Variants in CTXND1 observed in about 807,000 individuals in gnomAD.
CTXND1 encodes the protein cortexin domain-containing 1 protein.
At chr15:80,247,048 C>A (rs963117673) in intron 1 of CTXND1, among the ~76,000 whole-genome samples, 2 of 152,158 alleles carry the variant, frequency 1.3e-5, no homozygotes, top group Admixed American at 1.3e-4. Flanking sequence ...TTCCATTTTA[C>A]CCATGAGAAA....
intron 1 of CTXND1, among the ~76,000 whole-genome samples, chr15:80,251,473 G>GA (rs912322800): frequency 2.6e-5 from 4 of 152,174 alleles, no homozygotes; most frequent in Non-Finnish European, 4.4e-5. Flanking sequence ...GTTACATTGA[G>GA]AAAAAATCTG....
At chr15:80,210,422 T>C (rs1025663133) in intron 1 of CTXND1, among the ~76,000 whole-genome samples, 12 of 152,236 alleles carry the variant, frequency 7.9e-5, no homozygotes, top group African/African-American at 2.9e-4. Flanking sequence ...CTCTCTTTTG[T>C]GGCTTTCTCT....
chr15:80,207,946 G>A (rs1365106144), intron 1 of CTXND1, among the ~76,000 whole-genome samples: 1 of 152,212 alleles, frequency 6.6e-6, no homozygotes, highest in African/African-American at 2.4e-5. Context: ...CTTCCTGGGG[G>A]AAATTATTCA....
intron 1 of CTXND1, among the ~76,000 whole-genome samples, chr15:80,222,526 T>C (rs1221550891): frequency 6.6e-6 from 1 of 152,228 alleles, no homozygotes; most frequent in Non-Finnish European, 1.5e-5. Flanking sequence ...TCCCCAATTA[T>C]CTCAAAATTG....
chr15:80,205,017 A>T (rs1039738699), intron 1 of CTXND1, among the ~76,000 whole-genome samples: 1 of 152,212 alleles, frequency 6.6e-6, no homozygotes, highest in South Asian at 2.1e-4. Flanking sequence ...TCAGGTCTTT[A>T]TACATCCTTC....
In CTXND1 at chr15:80,198,510, T is replaced by G. The variant is rs1204044500; in HGVS notation, c.*3260A>C. The stretch of plus-strand genomic sequence containing the variant: ...CTATCCACAACCCCAAAGTTCATCT[T>G]AGCTTGCCAGAAACGAGTTGAGACG... On this transcript the variant is annotated 3_prime_UTR_variant, in exon 3 of 3. Transcript: ENST00000560778. 6.6e-6 allele frequency: 1 copy of G among 152,252 alleles called. No individual in the cohort carries two copies. Among genetic ancestry groups the G allele is most frequent in the East Asian group, 1.9e-4 (1 of 5,204 alleles). 9.4% of individuals were successfully genotyped at this position (152,252 alleles called of 1,614,324 possible).
Position 80,198,828 on chromosome 15 carries a change from C to G in CTXND1, c.*2942G>C, listed in dbSNP as rs183164782. 1.1e-3 allele frequency: 165 copies of G among 152,218 alleles called. No individual in the cohort carries two copies. Among genetic ancestry groups the G allele is most frequent in the African/African-American group, 3.7e-3 (154 of 41,524 alleles). The allele number at this position is 152,218 out of a possible 1,614,324, so 9.4% of individuals were successfully genotyped here. ...AATCCAAATATTTAATAATAGGAGTCTACATAATTATATATGTGCACTAGA... is the reference window on the plus strand; with the variant it reads ...AATCCAAATATTTAATAATAGGAGTGTACATAATTATATATGTGCACTAGA... On this transcript the variant is annotated 3_prime_UTR_variant, in exon 3 of 3. Transcript: ENST00000560778.
intron 1 of CTXND1, among the ~76,000 whole-genome samples, chr15:80,222,953 T>C (rs776923764): frequency 3.2e-4 from 49 of 152,236 alleles, no homozygotes; most frequent in Non-Finnish European, 6.0e-4. Flanking sequence ...ACTATTCTGA[T>C]ATCACCACAG....
intron 1 of CTXND1, among the ~76,000 whole-genome samples, chr15:80,251,002 C>A (rs750299409): frequency 6.6e-6 from 1 of 152,128 alleles, no homozygotes; most frequent in Non-Finnish European, 1.5e-5. Context: ...CAGTGTTAAT[C>A]CAGAAACTCG....
At chr15:80,229,850 T>C (rs537329772) in intron 1 of CTXND1, among the ~76,000 whole-genome samples, 8 of 152,246 alleles carry the variant, frequency 5.3e-5, no homozygotes, top group African/African-American at 1.4e-4. Context: ...AAAAATCCCT[T>C]TTTATGTTGG....
At chr15:80,244,299 C>G (rs1032782689) in intron 1 of CTXND1, among the ~76,000 whole-genome samples, 7 of 152,198 alleles carry the variant, frequency 4.6e-5, no homozygotes, top group African/African-American at 1.7e-4. Flanking sequence ...AGCCCATGTT[C>G]AGGACAGTGA....
In CTXND1 at chr15:80,200,619, G is replaced by T; in HGVS notation, c.*1151C>A. On this transcript the variant is annotated 3_prime_UTR_variant, in exon 3 of 3. Transcript: ENST00000560778. The stretch of plus-strand genomic sequence containing the variant: ...CCCCTTTCTGTCCTTTCGTTCACAT[G>T]AGGTATATGCAAAAAATAAAATTTT... 6.6e-6 allele frequency: 1 copy of T among 152,270 alleles called. No individual in the cohort carries two copies. 9.4% of individuals were successfully genotyped at this position (152,270 alleles called of 1,614,324 possible).
chr15:80,210,108 T>C (rs1346196104), intron 1 of CTXND1, among the ~76,000 whole-genome samples: 2 of 152,226 alleles, frequency 1.3e-5, no homozygotes. Flanking sequence ...CCCCTGATCA[T>C]CTGGTAATAG....
chr15:80,250,295 T>C (rs949936191), intron 1 of CTXND1, among the ~76,000 whole-genome samples: 5 of 152,128 alleles, frequency 3.3e-5, no homozygotes, highest in African/African-American at 1.2e-4. Flanking sequence ...TAAATCACAA[T>C]TTATAAGCAA....
At chr15:80,247,094 G>A (rs190589667) in intron 1 of CTXND1, among the ~76,000 whole-genome samples, 3 of 152,308 alleles carry the variant, frequency 2.0e-5, no homozygotes, top group Admixed American at 2.0e-4. Flanking sequence ...TGTGTCTGTG[G>A]TCTCGCAGCT....
At position 80,228,636 on chromosome 15, in the gene CTXND1, C is replaced by CTTTTTTTTTT. The variant is rs58443773; in HGVS notation, c.-218+23361_-218+23370dup. Among the ~76,000 whole-genome samples, 409 of 139,890 alleles carry CTTTTTTTTTT rather than the reference C, an allele frequency of 2.9e-3. 1 individual carries two copies. The highest frequency in any genetic ancestry group is 9.8e-3 in the African/African-American group (361 of 36,866). The allele number at this position is 139,890 out of a possible 152,430, so 91.8% of individuals were successfully genotyped here. A position where few individuals can be genotyped will look rare whatever the true frequency, so the allele number is the denominator to read the frequency against. On this transcript the variant is annotated intron_variant, in intron 1 of 2. Coordinates refer to ENST00000560778, the MANE Select transcript of CTXND1 (RefSeq NM_001352888.2). The stretch of plus-strand genomic sequence containing the variant: ...CGCTGAAATGCTACAAAATCTGAAA[C>CTTTTTTTTTT]TTTTTTTTTTGGAGACACAGTCTTG...
At chr15:80,239,206 C>T (rs1372433256) in intron 1 of CTXND1, among the ~76,000 whole-genome samples, 1 of 152,178 alleles carries the variant, frequency 6.6e-6, no homozygotes, top group Non-Finnish European at 1.5e-5. Flanking sequence ...CTCCCTGAGC[C>T]CCACAGTCCT....
At chr15:80,205,983 G>A (rs950615620) in intron 1 of CTXND1, among the ~76,000 whole-genome samples, 14 of 152,136 alleles carry the variant, frequency 9.2e-5, no homozygotes, top group Non-Finnish European at 1.6e-4. Context: ...GAAAGAAGAT[G>A]TTACAACATC....
At chr15:80,203,208 G>A (rs751050287) in intron 2 of CTXND1, among the ~76,000 whole-genome samples, 12 of 152,218 alleles carry the variant, frequency 7.9e-5, no homozygotes, top group East Asian at 3.9e-4. Flanking sequence ...CATAGCATTC[G>A]TCCCTATCCT....
Sources: gnomAD v4.1 joint callset for allele counts (sites outside exome capture counted in the v4.1 genomes callset) on GRCh38, gnomAD v4.1.1 for gene constraint, MANE v1.5 for transcripts, NCBI Gene and HGNC (gene_info 2026-07-23, HGNC 2026-07-21) for gene names.